Variants in ZNF532 observed in about 807,000 individuals in gnomAD.
The protein encoded by ZNF532 is zinc finger protein 532.
Under a neutral mutation model 89.3 loss-of-function variants are expected in ZNF532, and 22 were observed. That is an observed-to-expected ratio of 0.25 (90% CI 0.18 to 0.35). The LOEUF is 0.35. ZNF532 is among the 10% of genes least tolerant of loss of function. ZNF532 has a pLI of 1.00. For missense variants in ZNF532, 1,132 were observed against 1,643.4 expected (o/e 0.69, Z 5.38); for synonymous variants, 606 against 649.6 (o/e 0.93, Z 1.02).
At chr18:58,946,727 G>A (rs894054082) in intron 5 of ZNF532, among the ~76,000 whole-genome samples, 1 of 152,086 alleles carries the variant, frequency 6.6e-6, no homozygotes, top group Admixed American at 6.5e-5. Flanking sequence ...TGCATTGTAC[G>A]GCCCCGAAAA....
chr18:58,880,763 C>CTGTGTGTGTGTGTGTGTGT (rs770638520), intron 2 of ZNF532, among the ~76,000 whole-genome samples: 1,240 of 119,604 alleles, frequency 0.01, 43 homozygotes, highest in South Asian at 0.041. Flanking sequence ...CGCGCGCGCA[C>CTGTGTGTGTGTGTGTGTGT]GCGCGCGCGT....
chr18:58,909,131 T>G (rs546953596), intron 2 of ZNF532, among the ~76,000 whole-genome samples: 29 of 152,188 alleles, frequency 1.9e-4, no homozygotes, highest in Non-Finnish European at 3.5e-4. Context: ...TTTTGTATTT[T>G]TAGTAGAGAC....
At chr18:58,957,881 A>C (rs1168237596) in intron 7 of ZNF532, among the ~76,000 whole-genome samples, 1 of 152,114 alleles carries the variant, frequency 6.6e-6, no homozygotes, top group Non-Finnish European at 1.5e-5. Flanking sequence ...CCTGGCCAAC[A>C]TGACGAAACC....
intron 2 of ZNF532, among the ~76,000 whole-genome samples, chr18:58,909,367 G>A (rs1602976070): frequency 6.6e-6 from 1 of 152,188 alleles, no homozygotes; most frequent in East Asian, 1.9e-4. Flanking sequence ...GTTTGACCTC[G>A]TGTAGGGAGA....
rs1412778105 is a variant in ZNF532 at position 58,981,570 on chromosome 18, A to G, written c.3364A>G (p.Thr1122Ala). ...CAAGGACCCTGACCTGAAAGAAATGACAGATGCCACCAATGAGGAGGAAAC... is the reference window on the plus strand; with the variant it reads ...CAAGGACCCTGACCTGAAAGAAATGGCAGATGCCACCAATGAGGAGGAAAC... ...GIKDPDLKEM[T>A]DATNEEETEI... is the part of the protein sequence containing the mutation. The change falls in exon 9 of 10, where the codon ACA becomes GCA. Residue 1122 changes from threonine to alanine, a missense_variant. Transcript: ENST00000591808. 2.5e-6 allele frequency: 4 copies of G among 1,614,188 alleles called. No individual in the cohort carries two copies. The South Asian group carries it at 4.4e-5, about 18-fold the overall frequency.
At chr18:58,928,320 G>T (rs1302212536) in intron 3 of ZNF532, among the ~76,000 whole-genome samples, 2 of 152,200 alleles carry the variant, frequency 1.3e-5, no homozygotes, top group African/African-American at 4.8e-5. Context: ...CTCTCTGCCA[G>T]TTGCTGCTGC....
In ZNF532 at chr18:58,948,224, A is replaced by C; in HGVS notation, c.2863A>C (p.Ile955Leu). Residue 955 changes from isoleucine to leucine, a missense_variant, in exon 6 of 10, where the codon ATC (isoleucine) becomes CTC (leucine). By Grantham distance (5) the Ile-to-Leu change is conservative. This residue lies in a region of ZNF532 where 415 missense variants were observed against 604.8 expected (regional missense o/e 0.69). Transcript: ENST00000591808. Reference sequence around the variant, plus strand: ...ACAGAAGCAACTTATGATGGACCATATCAAGGTGTGTGTGCATCTATCCTC... The same window carrying C: ...ACAGAAGCAACTTATGATGGACCATCTCAAGGTGTGTGTGCATCTATCCTC... ...YAQKQLMMDH[I>L]KSMHGTLKSI... The C allele has an allele frequency of 6.2e-7, 1 of 1,609,700 alleles. No individual in the cohort carries two copies. The highest frequency in any genetic ancestry group is 1.3e-5 in the African/African-American group (1 of 74,858).
rs1425304547 is a variant in ZNF532 at position 58,889,058 on chromosome 18, G to A, written c.-18+23479G>A. 5.4e-5 allele frequency among the ~76,000 whole-genome samples: 8 copies of A among 148,732 alleles called. No homozygotes were observed. In the Admixed American group the frequency reaches 5.6e-4, roughly 10 times the overall value. On this transcript the variant is annotated intron_variant, in intron 2 of 9. Coordinates refer to ENST00000591808, the MANE Select transcript of ZNF532 (RefSeq NM_001375912.1). Reference sequence around the variant, plus strand: ...TCCAAAATTTGAAAGTTCCAAATGAGCATTTGAGTGTTAATTTGGCACTCA... The same window carrying A: ...TCCAAAATTTGAAAGTTCCAAATGAACATTTGAGTGTTAATTTGGCACTCA...
At chr18:58,938,478 AG>A (rs2062661195) in intron 4 of ZNF532, among the ~76,000 whole-genome samples, 1 of 152,258 alleles carries the variant, frequency 6.6e-6, no homozygotes, top group African/African-American at 2.4e-5. Context: ...TCATAAAGTA[AG>A]GAGGTTAGCT....
intron 2 of ZNF532, among the ~76,000 whole-genome samples, chr18:58,876,088 A>G (rs2057404335): frequency 6.6e-6 from 1 of 151,770 alleles, no homozygotes. Flanking sequence ...CCCCGCCACC[A>G]TGCCCGGCTA....
chr18:58,888,886 ATATTT>A (rs1483651868), intron 2 of ZNF532, among the ~76,000 whole-genome samples: 3 of 51,694 alleles, frequency 5.8e-5, no homozygotes, highest in African/African-American at 9.7e-5. Context: ...TTATATATAT[ATATTT>A]TATATATATA....
At chr18:58,909,615 G>A (rs1326845978) in intron 2 of ZNF532, among the ~76,000 whole-genome samples, 1 of 152,182 alleles carries the variant, frequency 6.6e-6, no homozygotes, top group African/African-American at 2.4e-5. Context: ...TCCACGAGAG[G>A]AAAGGATGAC....
intron 2 of ZNF532, among the ~76,000 whole-genome samples, chr18:58,880,443 C>T (rs1052606105): frequency 7.9e-5 from 12 of 152,170 alleles, no homozygotes; most frequent in African/African-American, 2.2e-4. Context: ...CATTTGTACC[C>T]GGATCTTTCT....
At chr18:58,979,309 A>C (rs1201420108) in intron 8 of ZNF532, 142 bp downstream of exon 8, 2 of 529,462 alleles carry the variant, frequency 3.8e-6, no homozygotes, top group Admixed American at 6.9e-5. Flanking sequence ...TTTGGCATAG[A>C]GTTTTTGGAT....
rs768379668 is a variant in ZNF532 at position 58,953,628 on chromosome 18, C to T, written c.2979C>T (p.Asp993=). 3.1e-6 allele frequency: 5 copies of T among 1,613,802 alleles called. No individual in the cohort carries two copies. The South Asian group carries it at 4.4e-5, about 14-fold the overall frequency. ...TQNSANQNKE[D]TKSMNGKEKL... ...ATTCAGCAAATCAGAACAAAGAGGA[C>T]ACCAAATCCATGAATGGGAAAGAGA... The change falls in exon 7 of 10, where the codon GAC becomes GAT. Residue 993 remains aspartate (D), a synonymous_variant. Transcript: ENST00000591808.
intron 2 of ZNF532, among the ~76,000 whole-genome samples, chr18:58,888,740 ATTT>A (rs34378616): frequency 0.026 from 1,411 of 54,154 alleles, 120 homozygotes; most frequent in East Asian, 0.09. Flanking sequence ...ATATATATAT[ATTT>A]TATATATATA....
chr18:58,940,923 TACACACACACACAC>T (rs200614911), intron 5 of ZNF532, among the ~76,000 whole-genome samples: 1 of 118,594 alleles, frequency 8.4e-6, no homozygotes, highest in Non-Finnish European at 1.7e-5. Context: ...TGCCATATTT[TACACACACACACAC>T]ACACACACAC....
At chr18:58,889,809 G>A (rs11152100) in intron 2 of ZNF532, among the ~76,000 whole-genome samples, 33,969 of 150,760 alleles carry the variant, frequency 0.23, 4,389 homozygotes, top group Middle Eastern at 0.41. Context: ...ATTTGGCTAG[G>A]CGCGGTGGCT....
intron 3 of ZNF532, among the ~76,000 whole-genome samples, chr18:58,932,087 T>G (rs1047144198): frequency 2.0e-5 from 3 of 152,204 alleles, no homozygotes; most frequent in Admixed American, 6.5e-5. Flanking sequence ...GTCTCTAGTG[T>G]CCAGCGTGAT....
Sources: allele counts gnomAD v4.1 joint callset (sites outside exome capture counted in the v4.1 genomes callset), GRCh38; gene constraint gnomAD v4.1.1; regional missense constraint gnomAD v4.1.1; transcripts MANE v1.5; gene names NCBI Gene and HGNC (gene_info 2026-07-23, HGNC 2026-07-21).